Variants in TASP1 observed in about 807,000 individuals in gnomAD.
The protein encoded by TASP1 is threonine aspartase 1.
In TASP1, 16 loss-of-function variants were observed where a neutral mutation model predicts 56.6. The observed-to-expected ratio is 0.28, with a 90% CI of 0.19 to 0.43. TASP1 has a LOEUF of 0.43. TASP1 is among the 20% of genes least tolerant of loss of function. The pLI is 1.00. For missense variants in TASP1, 393 were observed against 511.6 expected (o/e 0.77, Z 2.24); for synonymous variants, 179 against 184.2 (o/e 0.97, Z 0.23).
At chr20:13,436,939 C>T (rs1038926703) in intron 11 of TASP1, among the ~76,000 whole-genome samples, 2 of 152,066 alleles carry the variant, frequency 1.3e-5, no homozygotes, top group Admixed American at 6.6e-5. Context: ...AGAGTACAGA[C>T]AATCTAGGAT....
At chr20:13,378,517 GTGTGA>G in the TASP1 span, among the ~76,000 whole-genome samples, 1 of 152,178 alleles carries the variant, frequency 6.6e-6, no homozygotes, top group African/African-American at 2.4e-5. Flanking sequence ...TTTAAAATAA[GTGTGA>G]TGTGATGTTG....
At chr20:13,417,873 C>A (rs1250816537) in intron 12 of TASP1, among the ~76,000 whole-genome samples, 1 of 151,968 alleles carries the variant, frequency 6.6e-6, no homozygotes, top group Non-Finnish European at 1.5e-5. Context: ...TTTTAAAACA[C>A]GTGCATGCAC....
At chr20:13,121,877 G>A in the TASP1 span, among the ~76,000 whole-genome samples, 7 of 152,204 alleles carry the variant, frequency 4.6e-5, no homozygotes, top group Admixed American at 6.5e-5. Flanking sequence ...GTGCTGCACC[G>A]ATGAGGTATT....
chr20:13,254,828 G>A, the TASP1 span, among the ~76,000 whole-genome samples: 1 of 152,238 alleles, frequency 6.6e-6, no homozygotes, highest in Non-Finnish European at 1.5e-5. Context: ...TGGTTCGAGA[G>A]ATGTAGGAGG....
chr20:13,391,583 G>C (rs1340415510), intron 13 of TASP1, among the ~76,000 whole-genome samples: 3 of 143,812 alleles, frequency 2.1e-5, no homozygotes, highest in Non-Finnish European at 4.6e-5. Flanking sequence ...GCTTCCTGTG[G>C]AGATCTCAAT....
At chr20:13,273,022 CA>C in the TASP1 span, among the ~76,000 whole-genome samples, 7 of 152,126 alleles carry the variant, frequency 4.6e-5, no homozygotes, top group African/African-American at 1.7e-4. Flanking sequence ...ATTACTAACG[CA>C]AAGTCATAGG....
At chr20:13,424,295 C>T (rs76843601) in intron 12 of TASP1, among the ~76,000 whole-genome samples, 6,431 of 152,060 alleles carry the variant, frequency 0.042, 178 homozygotes, top group African/African-American at 0.073. Flanking sequence ...TGCTCAAATA[C>T]GGTTACATAG....
At chr20:13,609,092 C>T (rs867859581) in intron 4 of TASP1, among the ~76,000 whole-genome samples, 1 of 152,044 alleles carries the variant, frequency 6.6e-6, no homozygotes, top group Admixed American at 6.6e-5. Context: ...ATTTCAATAA[C>T]AACCCAAAAA....
the TASP1 span, among the ~76,000 whole-genome samples, chr20:13,305,638 G>C: frequency 6.6e-6 from 1 of 152,180 alleles, no homozygotes; most frequent in Non-Finnish European, 1.5e-5. Flanking sequence ...TACAGGTCCT[G>C]CATACAGTAG....
At chr20:13,147,849 T>A in the TASP1 span, among the ~76,000 whole-genome samples, 1 of 152,214 alleles carries the variant, frequency 6.6e-6, no homozygotes, top group Non-Finnish European at 1.5e-5. Flanking sequence ...TGAACATATA[T>A]TTTCAAGCCT....
the TASP1 span, among the ~76,000 whole-genome samples, chr20:13,222,814 T>C: frequency 2.1e-3 from 326 of 152,260 alleles, no homozygotes; most frequent in Non-Finnish European, 4.1e-3. Context: ...ACTTGGAGCA[T>C]AGGCAAAAGC....
intron 4 of TASP1, among the ~76,000 whole-genome samples, chr20:13,613,260 T>C (rs541799072): frequency 6.6e-6 from 1 of 152,274 alleles, no homozygotes; most frequent in South Asian, 2.1e-4. Flanking sequence ...TTATTTATTA[T>C]CATGGGACTA....
At chr20:13,168,999 C>A in the TASP1 span, 1 of 144,450 alleles carries the variant, frequency 6.9e-6, no homozygotes, top group South Asian at 2.2e-4. Flanking sequence ...GTGAGAAGGA[C>A]AGAGAGAAAT....
intron 4 of TASP1, among the ~76,000 whole-genome samples, chr20:13,615,971 T>C (rs1458543420): frequency 6.6e-6 from 1 of 152,154 alleles, no homozygotes; most frequent in African/African-American, 2.4e-5. Flanking sequence ...AAAATCTTAT[T>C]AGCCTACATC....
the TASP1 span, among the ~76,000 whole-genome samples, chr20:13,328,140 T>C: frequency 6.6e-6 from 1 of 152,070 alleles, no homozygotes; most frequent in Non-Finnish European, 1.5e-5. Context: ...CATTAAAAAG[T>C]GAGCAAAGGA....
At chr20:13,525,022 T>C (rs901808787) in intron 10 of TASP1, among the ~76,000 whole-genome samples, 5 of 152,170 alleles carry the variant, frequency 3.3e-5, no homozygotes, top group Non-Finnish European at 5.9e-5. Flanking sequence ...GAGACATCCC[T>C]AATTCTATAT....
At chr20:13,157,958 T>A in the TASP1 span, among the ~76,000 whole-genome samples, 1 of 152,244 alleles carries the variant, frequency 6.6e-6, no homozygotes, top group African/African-American at 2.4e-5. Flanking sequence ...GAAAATATAG[T>A]CTGTAGCCAG....
chr20:13,261,749 C>T, the TASP1 span, among the ~76,000 whole-genome samples: 1 of 152,148 alleles, frequency 6.6e-6, no homozygotes, highest in Non-Finnish European at 1.5e-5. Flanking sequence ...AATGAGGGTT[C>T]TTAACTTTAG....
intron 10 of TASP1, among the ~76,000 whole-genome samples, chr20:13,496,487 A>C (rs1601001149): frequency 1.8e-5 from 1 of 54,778 alleles, no homozygotes; most frequent in Admixed American, 1.9e-4. Flanking sequence ...TTCCTACTTA[A>C]AAAAAAAAAA....
Sources: gnomAD v4.1 joint callset for allele counts (sites outside exome capture counted in the v4.1 genomes callset) on GRCh38, gnomAD v4.1.1 for gene constraint, MANE v1.5 for transcripts, NCBI Gene and HGNC (gene_info 2026-07-23, HGNC 2026-07-21) for gene names.